SORCS1: variants seen among roughly 807,000 people sequenced by gnomAD.
SORCS1 encodes the protein sortilin related VPS10 domain containing receptor 1.
In SORCS1, 60 loss-of-function variants were observed where a neutral mutation model predicts 146.1. The ratio of observed to expected loss-of-function variants is 0.41; its 90% CI spans 0.33 to 0.51. SORCS1 has a LOEUF of 0.51. SORCS1 is among the 20% of genes least tolerant of loss of function. SORCS1 has a pLI of 0.21. For synonymous variants in SORCS1, 637 were observed against 584.0 expected, an observed-to-expected ratio of 1.09 and a Z score of -1.31; for missense variants, 1,352 against 1,487.6, an observed-to-expected ratio of 0.91 and a Z score of 1.50.
intron 1 of SORCS1, among the ~76,000 whole-genome samples, chr10:107,137,888 C>A (rs1967465155): frequency 6.6e-6 from 1 of 151,388 alleles, no homozygotes; most frequent in Non-Finnish European, 1.5e-5. Context: ...AAATTCAATA[C>A]TGTTAATTTT....
chr10:107,005,314 A>G (rs1957393003), intron 1 of SORCS1, among the ~76,000 whole-genome samples: 1 of 135,136 alleles, frequency 7.4e-6, no homozygotes, highest in South Asian at 2.6e-4. Context: ...AGACAGAACG[A>G]GACTTTGTCT....
chr10:106,907,232 C>T (rs1384480982), intron 2 of SORCS1, among the ~76,000 whole-genome samples: 2 of 152,084 alleles, frequency 1.3e-5, no homozygotes, highest in African/African-American at 2.4e-5. Flanking sequence ...AGTAATAACA[C>T]ACTGGAAAGA....
At chr10:106,919,379 C>T (rs1952596367) in intron 2 of SORCS1, among the ~76,000 whole-genome samples, 1 of 152,140 alleles carries the variant, frequency 6.6e-6, no homozygotes, top group African/African-American at 2.4e-5. Flanking sequence ...ACTGATTTCC[C>T]ATTTTCTGTC....
At chr10:107,120,184 C>T (rs905411009) in intron 1 of SORCS1, among the ~76,000 whole-genome samples, 18 of 152,102 alleles carry the variant, frequency 1.2e-4, no homozygotes, top group African/African-American at 3.1e-4. Flanking sequence ...AATTAGAAGT[C>T]GAGATTTTTG....
intron 2 of SORCS1, among the ~76,000 whole-genome samples, chr10:106,898,582 G>C (rs1951579126): frequency 6.6e-6 from 1 of 152,156 alleles, no homozygotes; most frequent in Admixed American, 6.5e-5. Flanking sequence ...TTGCGTAGGG[G>C]GTCAGGGGTA....
intron 5 of SORCS1, among the ~76,000 whole-genome samples, chr10:106,746,768 C>T (rs1363209945): frequency 6.6e-6 from 1 of 152,170 alleles, no homozygotes; most frequent in African/African-American, 2.4e-5. Context: ...ATGTTGGGTC[C>T]AGGAGCTGCT....
intron 1 of SORCS1, among the ~76,000 whole-genome samples, chr10:107,108,672 C>T (rs986232899): frequency 6.6e-6 from 1 of 152,100 alleles, no homozygotes; most frequent in Non-Finnish European, 1.5e-5. Flanking sequence ...ATCTCATGTC[C>T]TTCTCATATT....
At chr10:107,027,143 G>T (rs1958443828) in intron 1 of SORCS1, among the ~76,000 whole-genome samples, 1 of 150,354 alleles carries the variant, frequency 6.7e-6, no homozygotes, top group Non-Finnish European at 1.5e-5. Context: ...CTCTCTGAAG[G>T]CATGACGAGA....
intron 16 of SORCS1, among the ~76,000 whole-genome samples, chr10:106,668,152 T>C (rs917370847): frequency 6.6e-6 from 1 of 152,172 alleles, no homozygotes; most frequent in African/African-American, 2.4e-5. Flanking sequence ...GTGGTGGAAC[T>C]CAACCCTTGG....
intron 6 of SORCS1, among the ~76,000 whole-genome samples, chr10:106,723,672 G>T (rs140479264): frequency 1.5e-3 from 228 of 152,204 alleles, no homozygotes; most frequent in African/African-American, 5.0e-3. Flanking sequence ...GAGGATAGTT[G>T]GTAAGAAACA....
intron 1 of SORCS1, among the ~76,000 whole-genome samples, chr10:107,142,491 C>T (rs929580770): frequency 1.3e-5 from 2 of 152,148 alleles, no homozygotes; most frequent in South Asian, 4.1e-4. Context: ...AGTAAATGTC[C>T]TCTATTCCTT....
chr10:106,585,223 C>CAA lies in SORCS1; in HGVS notation c.3266-5751_3266-5750dup, dbSNP rs202057062. Among the ~76,000 whole-genome samples, 114 of 112,278 alleles carry CAA rather than the reference C, an allele frequency of 1.0e-3. 1 individual carries two copies. Among genetic ancestry groups the CAA allele is most frequent in the African/African-American group, 3.0e-3 (96 of 31,590 alleles). The allele number at this position is 112,278 out of a possible 152,430, so 73.7% of individuals were successfully genotyped here. On this transcript the variant is annotated intron_variant, in intron 24 of 25. Transcript: ENST00000263054. ...TAGGCAACAGAGTGAGACTCTGTCT[C>CAA]AAAAAAAAAAAAAAATGTATAGTCT... is the stretch of plus-strand genomic sequence containing the variant.
At chr10:106,719,614 T>C (rs187997619) in intron 6 of SORCS1, among the ~76,000 whole-genome samples, 5 of 152,228 alleles carry the variant, frequency 3.3e-5, no homozygotes, top group East Asian at 1.9e-4. Flanking sequence ...GGTTTCACCA[T>C]GTTGGCCAGG....
At chr10:107,101,650 A>C (rs1964931228) in intron 1 of SORCS1, among the ~76,000 whole-genome samples, 1 of 152,130 alleles carries the variant, frequency 6.6e-6, no homozygotes, top group Non-Finnish European at 1.5e-5. Context: ...GACTGAACCA[A>C]TGCACCGGGG....
At chr10:106,870,533 A>C (rs559902192) in intron 2 of SORCS1, among the ~76,000 whole-genome samples, 6 of 152,302 alleles carry the variant, frequency 3.9e-5, no homozygotes, top group African/African-American at 1.4e-4. Flanking sequence ...AAATAAAGCC[A>C]CACACCTATG....
intron 18 of SORCS1, among the ~76,000 whole-genome samples, chr10:106,631,179 A>G (rs1444769025): frequency 1.3e-5 from 2 of 152,200 alleles, no homozygotes; most frequent in African/African-American, 2.4e-5. Context: ...CCTCTGCTCT[A>G]TGCCCAGCCA....
At chr10:107,143,959 C>T (rs1968071151) in intron 1 of SORCS1, among the ~76,000 whole-genome samples, 1 of 151,982 alleles carries the variant, frequency 6.6e-6, no homozygotes, top group African/African-American at 2.4e-5. Context: ...GTTTGCAAGG[C>T]CCTTTTTTGT....
intron 13 of SORCS1, among the ~76,000 whole-genome samples, chr10:106,675,598 T>TA (rs1169308086): frequency 6.6e-6 from 1 of 152,182 alleles, no homozygotes; most frequent in Non-Finnish European, 1.5e-5. Flanking sequence ...GTGTCCTTCT[T>TA]ACAACCATAA....
intron 1 of SORCS1, 134 bp from the exon 2 acceptor site, chr10:106,956,714 C>A: frequency 1.3e-6 from 1 of 774,544 alleles, no homozygotes; most frequent in South Asian, 1.8e-5. Context: ...CAGCATTTGC[C>A]ACACTGACTG....
Sources: gnomAD v4.1 joint callset for allele counts (sites outside exome capture counted in the v4.1 genomes callset) on GRCh38, gnomAD v4.1.1 for gene constraint, MANE v1.5 for transcripts, NCBI Gene and HGNC (gene_info 2026-07-23, HGNC 2026-07-21) for gene names.